SYNE2: variants seen among roughly 807,000 people sequenced by gnomAD.
SYNE2 encodes nesprin-2.
In SYNE2, 431 loss-of-function variants were observed where a neutral mutation model predicts 856.3. The observed-to-expected ratio is 0.50, with a 90% CI of 0.47 to 0.55. The LOEUF is 0.55. Among genes scored for constraint, SYNE2 ranks in the 20% least tolerant of loss-of-function variants. The probability of loss-of-function intolerance (pLI) is 0.00; values close to 1 mark genes in which losing one functional copy is unlikely to be tolerated. For synonymous variants in SYNE2, 2,923 were observed against 2,872.3 expected (o/e 1.02, Z -0.56); for missense variants, 8,129 against 8,023.2 (o/e 1.01, Z -0.50).
In SYNE2 at chr14:64,209,925, C is replaced by T; in HGVS notation, c.18541-17C>T. ...CACTCTGCATGCTTTGGCTCTGACC[C>T]CTCCCATGTGATGCAGGCCTTTCAG... On this transcript the variant is annotated splice_polypyrimidine_tract_variant and intron_variant, in intron 102 of 115. Coordinates refer to ENST00000555002, the MANE Select transcript of SYNE2 (RefSeq NM_182914.3). 1 of 1,614,020 alleles carries T rather than the reference C, an allele frequency of 6.2e-7. No individual in the cohort carries two copies. Among genetic ancestry groups the T allele is most frequent in the Non-Finnish European group, 8.5e-7 (1 of 1,180,018 alleles).
At chr14:64,220,795 C>T (rs1006031175) in intron 111 of SYNE2, among the ~76,000 whole-genome samples, 158 bp downstream of exon 111, 5 of 152,180 alleles carry the variant, frequency 3.3e-5, no homozygotes, top group African/African-American at 7.2e-5. Context: ...AGAGGCTCAC[C>T]GGCCATCTCA....
In SYNE2 at chr14:64,225,996, TCAGTTTTACTC is replaced by T. The variant is rs904706255; in HGVS notation, c.*473_*483del. 2.5e-5 allele frequency: 6 copies of T among 237,834 alleles called. No homozygotes were observed. The highest frequency in any genetic ancestry group is 2.0e-4 in the Admixed American group (4 of 19,994). The allele number at this position is 237,834 out of a possible 1,614,324, so 14.7% of individuals were successfully genotyped here. On this transcript the variant is annotated 3_prime_UTR_variant, in exon 116 of 116. Transcript: ENST00000555002. ...TCAATCATATTTAATACGCTTAGAA[TCAGTTTTACTC>T]CAATCAGCTGGCAATTTTGAGCTGC...
At position 63,942,051 on chromosome 14, in the gene SYNE2, A is replaced by G. The variant is rs1380764506; in HGVS notation, c.316A>G (p.Ile106Val). ...TTAACCTGCACTTTTTGTTTTCCAG[A>G]TTAAGCTAATAAATATTCATGTTAC... ...HALTFLRNRS[I>V]KLINIHVTDI... The change falls in exon 6 of 116, where the codon ATT becomes GTT. Residue 106 changes from isoleucine (I) to valine (V), a missense_variant and splice_region_variant. Coordinates refer to ENST00000555002, the MANE Select transcript of SYNE2 (RefSeq NM_182914.3). 1 of 1,607,968 alleles carries G rather than the reference A, an allele frequency of 6.2e-7. No individual in the cohort carries two copies. Among genetic ancestry groups the G allele is most frequent in the East Asian group, 2.2e-5 (1 of 44,832 alleles).
In SYNE2 at chr14:63,959,380, C is replaced by T. The variant is rs191122859; in HGVS notation, c.788-2145C>T. On this transcript the variant is annotated intron_variant, in intron 8 of 115. Coordinates refer to ENST00000555002, the MANE Select transcript of SYNE2 (RefSeq NM_182914.3). ...CGGCTCAATCTCAGCTCACTGCAAC[C>T]TTCGCTTCCTGGGTTCAAGCAATTC... 5.6e-4 allele frequency among the ~76,000 whole-genome samples: 83 copies of T among 147,548 alleles called. No homozygotes were observed. In the East Asian group the frequency reaches 0.011, roughly 20 times the overall value.
Position 63,919,354 on chromosome 14 carries a change from T to G in SYNE2, c.79+10127T>G, listed in dbSNP as rs541444053. Reference sequence around the variant, plus strand: ...AAGGCCTCTTTGAGAAGGGACAGTTTAGGAGCGATCGAATAACAAGGAACT... The same window carrying G: ...AAGGCCTCTTTGAGAAGGGACAGTTGAGGAGCGATCGAATAACAAGGAACT... On this transcript the variant is annotated intron_variant, in intron 2 of 115. Transcript: ENST00000555002. 2.7e-4 allele frequency among the ~76,000 whole-genome samples: 41 copies of G among 152,250 alleles called. No individual in the cohort carries two copies. The South Asian group carries it at 8.3e-3, about 31-fold the overall frequency.
At chr14:63,955,001 T>C in intron 8 of SYNE2, 86 bp downstream of exon 8, 4 of 1,105,050 alleles carry the variant, frequency 3.6e-6, no homozygotes, top group Non-Finnish European at 5.4e-6. Flanking sequence ...TGAATAAACA[T>C]AGTGGCACTC....
At chr14:63,811,604 G>A (rs1326217836) in intron 1 of SYNE2, among the ~76,000 whole-genome samples, 1 of 152,142 alleles carries the variant, frequency 6.6e-6, no homozygotes, top group Non-Finnish European at 1.5e-5. Flanking sequence ...CAGTTTTAAA[G>A]AACTAAAGTT....
intron 89 of SYNE2, among the ~76,000 whole-genome samples, chr14:64,164,498 C>T (rs2098358900): frequency 1.3e-5 from 2 of 152,184 alleles, no homozygotes; most frequent in African/African-American, 4.8e-5. Context: ...ATCTACCCAC[C>T]TTGGCCTCCC....
intron 6 of SYNE2, among the ~76,000 whole-genome samples, chr14:63,948,750 G>GTATA (rs1280856751): frequency 4.0e-4 from 38 of 96,104 alleles, no homozygotes; most frequent in South Asian, 1.1e-3. Flanking sequence ...ATATGTGTGT[G>GTATA]TATATATATG....
chr14:63,980,238 A>G (rs2096575582), intron 14 of SYNE2, among the ~76,000 whole-genome samples: 1 of 152,242 alleles, frequency 6.6e-6, no homozygotes, highest in Non-Finnish European at 1.5e-5. Flanking sequence ...TGTGATGGAT[A>G]TCTTTTTGTA....
chr14:64,168,213 C>G (rs1314953569), intron 92 of SYNE2, among the ~76,000 whole-genome samples: 6 of 152,184 alleles, frequency 3.9e-5, no homozygotes, highest in Admixed American at 2.0e-4. Flanking sequence ...AAGCAATTCT[C>G]GTGCCTTACC....
intron 32 of SYNE2, among the ~76,000 whole-genome samples, chr14:64,010,825 G>T (rs1167473500): frequency 6.6e-6 from 1 of 152,140 alleles, no homozygotes; most frequent in Non-Finnish European, 1.5e-5. Flanking sequence ...TTTTAGTAGA[G>T]ACAGGGTTTC....
At chr14:63,942,448 G>T (rs900527948) in intron 6 of SYNE2, among the ~76,000 whole-genome samples, 1 of 151,956 alleles carries the variant, frequency 6.6e-6, no homozygotes, top group Non-Finnish European at 1.5e-5. Context: ...CCTCCTGAGT[G>T]GTTGGGACTA....
intron 2 of SYNE2, among the ~76,000 whole-genome samples, chr14:63,938,389 A>G (rs1344928008): frequency 6.6e-6 from 1 of 152,090 alleles, no homozygotes; most frequent in Non-Finnish European, 1.5e-5. Context: ...TCATGATCAC[A>G]CCCCTGCACT....
At chr14:64,029,143 T>A (rs1036287202) in intron 43 of SYNE2, among the ~76,000 whole-genome samples, 2 of 151,912 alleles carry the variant, frequency 1.3e-5, no homozygotes, top group Non-Finnish European at 2.9e-5. Flanking sequence ...TCAAAAAAAA[T>A]AATAATTAAG....
intron 1 of SYNE2, among the ~76,000 whole-genome samples, chr14:63,800,635 A>C (rs917606346): frequency 2.6e-5 from 4 of 152,354 alleles, no homozygotes; most frequent in African/African-American, 9.6e-5. Flanking sequence ...GTAGCCATAA[A>C]AAAGAAAAAG....
At chr14:64,139,557 G>T (rs567996423) in intron 79 of SYNE2, among the ~76,000 whole-genome samples, 1 of 151,860 alleles carries the variant, frequency 6.6e-6, no homozygotes, top group Non-Finnish European at 1.5e-5. Context: ...GACTACAGGC[G>T]CCTGCCACCA....
rs1269925111 is a variant in SYNE2 at position 64,190,168 on chromosome 14, C to G, written c.17969C>G (p.Ala5990Gly). Residue 5990 changes from alanine to glycine, a missense_variant, in exon 99 of 116, where the codon GCT becomes GGT. This residue lies in a region of SYNE2 where 5,410 missense variants were observed against 5,284.8 expected (regional missense o/e 1.02). Transcript: ENST00000555002. ...LIKASNKSRA[A>G]EIDDKLNKIN... is the part of the protein sequence containing the mutation. ...AAGGCCAGCAACAAATCAAGAGCAG[C>G]TGAGATCGATGACAAGCTCAACAAA... 2 of 1,614,108 alleles carry G rather than the reference C, an allele frequency of 1.2e-6. No homozygotes were observed. Among genetic ancestry groups the G allele is most frequent in the Admixed American group, 3.3e-5 (2 of 60,016 alleles).
At chr14:63,765,958 T>C (rs931627426) in intron 1 of SYNE2, among the ~76,000 whole-genome samples, 1 of 152,116 alleles carries the variant, frequency 6.6e-6, no homozygotes, top group Non-Finnish European at 1.5e-5. Flanking sequence ...TGAACCATGA[T>C]TGTGCCACTG....
Sources: allele counts gnomAD v4.1 joint callset (sites outside exome capture counted in the v4.1 genomes callset), GRCh38; gene constraint gnomAD v4.1.1; regional missense constraint gnomAD v4.1.1; transcripts MANE v1.5; gene names NCBI Gene and HGNC (gene_info 2026-07-23, HGNC 2026-07-21).